The following SLIT2 variants were observed in gnomAD, a reference collection of about 807,000 sequenced individuals.
SLIT2 encodes the protein slit homolog 2 protein.
In SLIT2, 41 loss-of-function variants were observed where a neutral mutation model predicts 185.7. The ratio of observed to expected loss-of-function variants is 0.22; its 90% CI spans 0.17 to 0.29. The LOEUF is 0.29. SLIT2 is among the 10% of genes least tolerant of loss of function. SLIT2 has a pLI of 1.00. For missense variants in SLIT2, 1,571 were observed against 1,909.0 expected (o/e 0.82, Z 3.30); for synonymous variants, 693 against 680.2 (o/e 1.02, Z -0.29).
At chr4:20,450,372 A>G (rs1196733230) in intron 4 of SLIT2, among the ~76,000 whole-genome samples, 1 of 152,148 alleles carries the variant, frequency 6.6e-6, no homozygotes, top group Non-Finnish European at 1.5e-5. Flanking sequence ...TTATATTGGA[A>G]TTTTGTATTT....
intron 4 of SLIT2, among the ~76,000 whole-genome samples, chr4:20,381,517 T>C (rs948259003): frequency 6.6e-6 from 1 of 152,194 alleles, no homozygotes; most frequent in African/African-American, 2.4e-5. Flanking sequence ...TTCCCTTTTT[T>C]CATGTCTTCT....
At chr4:20,462,298 T>A (rs1713815463) in intron 4 of SLIT2, among the ~76,000 whole-genome samples, 1 of 152,190 alleles carries the variant, frequency 6.6e-6, no homozygotes, top group African/African-American at 2.4e-5. Flanking sequence ...GTGCTCAATA[T>A]TTTTAATTTC....
chr4:20,403,765 T>C (rs1248899036), intron 4 of SLIT2, among the ~76,000 whole-genome samples: 2 of 151,938 alleles, frequency 1.3e-5, no homozygotes, highest in Non-Finnish European at 2.9e-5. Context: ...AGACTTGTCA[T>C]AGTCAGGGCC....
rs1421685677 is a variant in SLIT2, at chr4:20,505,197, A to G, written c.915-5298A>G. Among the ~76,000 whole-genome samples the G allele has an allele frequency of 3.3e-5, 5 of 152,116 alleles. No homozygotes were observed. In the East Asian group the frequency reaches 9.6e-4, roughly 29 times the overall value. On this transcript the variant is annotated intron_variant, in intron 9 of 36. Transcript: ENST00000504154. The stretch of plus-strand genomic sequence containing the variant: ...GTAATTTTTAGAAAACATTTATGGT[A>G]AGTTCTATTCTCCCCATTTTTCAGG...
intron 4 of SLIT2, among the ~76,000 whole-genome samples, chr4:20,291,719 A>C (rs866522217): frequency 1.1e-4 from 17 of 151,860 alleles, no homozygotes; most frequent in African/African-American, 3.9e-4. Flanking sequence ...TATGTTCAAA[A>C]AATTTTGCTG....
intron 4 of SLIT2, among the ~76,000 whole-genome samples, chr4:20,430,002 A>G (rs752991443): frequency 3.3e-4 from 50 of 152,226 alleles, no homozygotes; most frequent in Non-Finnish European, 1.2e-4. Context: ...AATAAAAACT[A>G]AAATTAAGCT....
At chr4:20,426,103 C>T (rs2109481963) in intron 4 of SLIT2, among the ~76,000 whole-genome samples, 1 of 152,334 alleles carries the variant, frequency 6.6e-6, no homozygotes, top group East Asian at 1.9e-4. Flanking sequence ...GTTGCTCCTT[C>T]TTCACCATTG....
chr4:20,603,153 A>AG (rs773010970), intron 33 of SLIT2, among the ~76,000 whole-genome samples: 1 of 152,224 alleles, frequency 6.6e-6, no homozygotes, highest in Non-Finnish European at 1.5e-5. Context: ...TCATAGCAGA[A>AG]GGCGAAAGGA....
At chr4:20,307,448 T>C (rs139206056) in intron 4 of SLIT2, among the ~76,000 whole-genome samples, 3 of 151,934 alleles carry the variant, frequency 2.0e-5, no homozygotes, top group East Asian at 1.9e-4. Context: ...TTTTTTTTCA[T>C]AGAGGCAGGA....
chr4:20,329,968 G>T (rs768786001), intron 4 of SLIT2, among the ~76,000 whole-genome samples: 3 of 151,696 alleles, frequency 2.0e-5, no homozygotes, highest in Non-Finnish European at 4.4e-5. Context: ...AAATTCTTTG[G>T]CTATCCTAAT....
At chr4:20,577,338 T>C (rs960948230) in intron 29 of SLIT2, among the ~76,000 whole-genome samples, 1 of 152,160 alleles carries the variant, frequency 6.6e-6, no homozygotes, top group African/African-American at 2.4e-5. Context: ...GAAAACTGAT[T>C]TTCCTTCTTT....
intron 6 of SLIT2, among the ~76,000 whole-genome samples, chr4:20,481,922 C>G (rs1004720717): frequency 6.6e-6 from 1 of 152,002 alleles, no homozygotes; most frequent in Non-Finnish European, 1.5e-5. Context: ...AGACTACTCT[C>G]TAACAACAGG....
rs532595792 is a variant in SLIT2 at position 20,265,047 on chromosome 4, A to G, written c.324-3763A>G. ...TGGCTCCCATAAATAATCCTCTGTG[A>G]TATCTTTAATTCACTACATGCTGTT... is the stretch of plus-strand genomic sequence containing the variant. On this transcript the variant is annotated intron_variant, in intron 3 of 36. Coordinates refer to ENST00000504154, the MANE Select transcript of SLIT2 (RefSeq NM_004787.4). 2.6e-5 allele frequency among the ~76,000 whole-genome samples: 4 copies of G among 152,042 alleles called. No individual in the cohort carries two copies. In the East Asian group the frequency reaches 7.8e-4, roughly 29 times the overall value.
chr4:20,357,921 T>A (rs1722458119), intron 4 of SLIT2, among the ~76,000 whole-genome samples: 1 of 152,126 alleles, frequency 6.6e-6, no homozygotes, highest in Non-Finnish European at 1.5e-5. Flanking sequence ...ATCATATCCA[T>A]TCAAGTTTAT....
chr4:20,554,982 C>A (rs907592298), intron 26 of SLIT2, among the ~76,000 whole-genome samples: 13 of 152,028 alleles, frequency 8.6e-5, no homozygotes, highest in African/African-American at 2.7e-4. Context: ...GTTGGCCAGG[C>A]TGGTCTTGAA....
intron 33 of SLIT2, among the ~76,000 whole-genome samples, chr4:20,605,416 G>C (rs778970661): frequency 2.0e-5 from 3 of 152,160 alleles, no homozygotes; most frequent in Admixed American, 6.5e-5. Context: ...ATAGGTGAGC[G>C]TAGTAAAACT....
chr4:20,606,223 G>A (rs1340876715), intron 33 of SLIT2, among the ~76,000 whole-genome samples: 1 of 152,156 alleles, frequency 6.6e-6, no homozygotes, highest in East Asian at 1.9e-4. Flanking sequence ...GGCCAGTCAT[G>A]GTGGTTTACA....
At chr4:20,349,348 A>G (rs1008102982) in intron 4 of SLIT2, among the ~76,000 whole-genome samples, 1 of 152,194 alleles carries the variant, frequency 6.6e-6, no homozygotes, top group African/African-American at 2.4e-5. Context: ...ATCACTTCCT[A>G]ACAAGGATGT....
At chr4:20,560,941 A>G (rs375621819) in intron 26 of SLIT2, among the ~76,000 whole-genome samples, 1 of 151,934 alleles carries the variant, frequency 6.6e-6, no homozygotes, top group East Asian at 1.9e-4. Flanking sequence ...TACTCTACTG[A>G]TAGATACTTT....
Sources: allele counts gnomAD v4.1 joint callset (sites outside exome capture counted in the v4.1 genomes callset), GRCh38; gene constraint gnomAD v4.1.1; transcripts MANE v1.5; gene names NCBI Gene and HGNC (gene_info 2026-07-23, HGNC 2026-07-21).